Variants in SPATA16 observed in about 807,000 individuals in gnomAD.
SPATA16 encodes spermatogenesis-associated protein 16.
SPATA16 carries 36 observed loss-of-function variants against 63.3 expected under a neutral mutation model. That is an observed-to-expected ratio of 0.57 (90% CI 0.44 to 0.75). The LOEUF is 0.75. Ranked by LOEUF, SPATA16 falls within the 30% of genes least tolerant of loss-of-function variation. SPATA16 has a pLI of 0.00. For missense variants in SPATA16, 646 were observed against 679.3 expected (o/e 0.95, Z 0.54); for synonymous variants, 203 against 216.7 (o/e 0.94, Z 0.56).
At position 173,117,504 on chromosome 3, in the gene SPATA16, A is replaced by G. The variant is rs776454450; in HGVS notation, c.228T>C (p.Asp76=). 1 of 1,614,070 alleles carries G rather than the reference A, an allele frequency of 6.2e-7. No individual in the cohort carries two copies. Among genetic ancestry groups the G allele is most frequent in the Non-Finnish European group, 8.5e-7 (1 of 1,179,996 alleles). ...TCCGTTTAAAGGCTGCTTTCTCTAA[A>G]TCATTGCTTTGTTTTTCTTTGATGC... is the stretch of plus-strand genomic sequence containing the variant. The part of the protein sequence containing the change: ...TKGIKEKQSN[D]LEKAAFKRKA... Residue 76 remains aspartate, a synonymous_variant, in exon 2 of 11, where the codon GAT becomes GAC. Coordinates refer to ENST00000351008, the MANE Select transcript of SPATA16 (RefSeq NM_031955.6).
chr3:173,024,733 A>G (rs1001439907), intron 3 of SPATA16, among the ~76,000 whole-genome samples: 5 of 150,810 alleles, frequency 3.3e-5, no homozygotes, highest in African/African-American at 9.7e-5. Flanking sequence ...TCAAACTGAT[A>G]TTAGGTTTAG....
chr3:172,986,381 G>A (rs9868865), intron 4 of SPATA16, among the ~76,000 whole-genome samples: 15 of 152,084 alleles, frequency 9.9e-5, no homozygotes, highest in African/African-American at 2.9e-4. Flanking sequence ...ATACTAAGAC[G>A]AGTCAGCCAT....
intron 5 of SPATA16, among the ~76,000 whole-genome samples, chr3:172,965,619 T>C (rs972258041): frequency 1.3e-5 from 2 of 151,992 alleles, no homozygotes; most frequent in African/African-American, 4.8e-5. Context: ...AGACACCTTA[T>C]ATTTTTCTTT....
chr3:172,960,257 A>G (rs993383188), intron 5 of SPATA16, among the ~76,000 whole-genome samples: 1 of 152,208 alleles, frequency 6.6e-6, no homozygotes, highest in Non-Finnish European at 1.5e-5. Flanking sequence ...CTGTAATTGA[A>G]TCATTCTTTC....
At chr3:173,116,276 CT>C (rs1236403336) in intron 2 of SPATA16, among the ~76,000 whole-genome samples, 2 of 152,234 alleles carry the variant, frequency 1.3e-5, no homozygotes, top group East Asian at 3.9e-4. Context: ...TCATTCATTT[CT>C]TTTTAAATAG....
Position 173,006,376 on chromosome 3 carries a change from GA to G in SPATA16, c.848+13109del, listed in dbSNP as rs140655268. Reference sequence around the variant, plus strand: ...CCCTTCAGGCAGATGGCCAGTTTAAGAATAAAAATTAGCCAGCCTGTAGGCT... The same window carrying G: ...CCCTTCAGGCAGATGGCCAGTTTAAGATAAAAATTAGCCAGCCTGTAGGCT... On this transcript the variant is annotated intron_variant, in intron 4 of 10. Coordinates refer to ENST00000351008, the MANE Select transcript of SPATA16 (RefSeq NM_031955.6). Among the ~76,000 whole-genome samples the G allele has an allele frequency of 3.6e-3, 542 of 152,320 alleles. 6 individuals are homozygous for G. The highest frequency in any genetic ancestry group is 0.019 in the Admixed American group (295 of 15,310).
intron 2 of SPATA16, among the ~76,000 whole-genome samples, chr3:173,090,770 T>C (rs940965909): frequency 1.3e-5 from 2 of 152,218 alleles, no homozygotes; most frequent in Admixed American, 6.5e-5. Context: ...ACATTTAACA[T>C]AGGACCAATG....
chr3:172,967,002 A>G (rs1311003946), intron 5 of SPATA16, among the ~76,000 whole-genome samples: 1 of 152,238 alleles, frequency 6.6e-6, no homozygotes, highest in Non-Finnish European at 1.5e-5. Context: ...TGATTTTCAG[A>G]TGCAAACAAA....
At chr3:173,069,602 T>G (rs1476345344) in intron 2 of SPATA16, among the ~76,000 whole-genome samples, 1 of 152,060 alleles carries the variant, frequency 6.6e-6, no homozygotes, top group Non-Finnish European at 1.5e-5. Flanking sequence ...TCTAAACAAT[T>G]GAGGAGGAGG....
intron 2 of SPATA16, among the ~76,000 whole-genome samples, chr3:173,054,057 A>C (rs1013629653): frequency 2.0e-5 from 3 of 151,894 alleles, no homozygotes; most frequent in African/African-American, 4.8e-5. Flanking sequence ...TGCTTTTTTA[A>C]AATTGGAAAA....
intron 1 of SPATA16, among the ~76,000 whole-genome samples, chr3:173,122,562 CATT>C (rs1738106420): frequency 6.6e-6 from 1 of 151,652 alleles, no homozygotes. Flanking sequence ...ACCAGTGAGA[CATT>C]ATGAGAAAAA....
intron 3 of SPATA16, among the ~76,000 whole-genome samples, chr3:173,026,405 A>G (rs1735455007): frequency 6.6e-6 from 1 of 151,818 alleles, no homozygotes. Context: ...AATATTCTCA[A>G]TAGTTTCTTT....
chr3:173,124,853 G>GC (rs1383426981), intron 1 of SPATA16, among the ~76,000 whole-genome samples: 1 of 151,782 alleles, frequency 6.6e-6, no homozygotes, highest in Non-Finnish European at 1.5e-5. Flanking sequence ...CCCACATGGA[G>GC]CCCCTTCTTT....
In SPATA16 at chr3:173,048,984, C is replaced by T. The variant is rs780967193; in HGVS notation, c.723G>A (p.Met241Ile). Residue 241 changes from methionine (M) to isoleucine (I), a missense_variant, in exon 3 of 11, where the codon ATG (methionine) becomes ATA (isoleucine). Physicochemically the swap from Met to Ile is conservative, Grantham distance 10. Transcript: ENST00000351008. ...GATTCAGGGCAAGATCTGGTTTCCT[C>T]ATCCGTAGATAACAGGTAACAAGCT... is the stretch of plus-strand genomic sequence containing the variant. ...ETKLVTCYLRMRKPDLALNHA... is the reference protein window; with the variant it reads ...ETKLVTCYLRIRKPDLALNHA... 3.7e-6 allele frequency: 6 copies of T among 1,613,740 alleles called. No homozygotes were observed. In the Admixed American group the frequency reaches 6.7e-5, roughly 18 times the overall value.
intron 3 of SPATA16, 104 bp downstream of exon 3, chr3:173,048,845 C>T: frequency 1.4e-6 from 2 of 1,444,606 alleles, no homozygotes; most frequent in Non-Finnish European, 1.9e-6. Flanking sequence ...ATGTTTGTTT[C>T]TTCTTTAAAT....
At chr3:173,089,390 G>T (rs377538285) in intron 2 of SPATA16, among the ~76,000 whole-genome samples, 2 of 152,186 alleles carry the variant, frequency 1.3e-5, no homozygotes, top group African/African-American at 4.8e-5. Context: ...CTTATCTGAG[G>T]ATGGCTGAGG....
intron 3 of SPATA16, among the ~76,000 whole-genome samples, chr3:173,031,210 A>G (rs1379589118): frequency 6.6e-6 from 1 of 151,334 alleles, no homozygotes; most frequent in Non-Finnish European, 1.5e-5. Context: ...ACTGGGTAAG[A>G]TCGTACATTT....
intron 1 of SPATA16, among the ~76,000 whole-genome samples, chr3:173,128,311 T>A (rs1053663248): frequency 3.9e-5 from 6 of 152,186 alleles, no homozygotes; most frequent in African/African-American, 1.2e-4. Flanking sequence ...ACTTTATATA[T>A]CCCTTTTTTT....
Position 173,070,815 on chromosome 3 carries a change from C to T in SPATA16, c.613-21721G>A, listed in dbSNP as rs543941997. On this transcript the variant is annotated intron_variant, in intron 2 of 10. Coordinates refer to ENST00000351008, the MANE Select transcript of SPATA16 (RefSeq NM_031955.6). ...CATTGATGAAAGAAATTGAAGAGGACACAAAACACCGGAAAGATGTTCCAT... is the reference window on the plus strand; with the variant it reads ...CATTGATGAAAGAAATTGAAGAGGATACAAAACACCGGAAAGATGTTCCAT... Among the ~76,000 whole-genome samples, 4 of 152,244 alleles carry T rather than the reference C, an allele frequency of 2.6e-5. No individual in the cohort carries two copies. The East Asian group carries it at 7.7e-4, about 29-fold the overall frequency.
Sources: allele counts gnomAD v4.1 joint callset (sites outside exome capture counted in the v4.1 genomes callset), GRCh38; gene constraint gnomAD v4.1.1; transcripts MANE v1.5; gene names NCBI Gene and HGNC (gene_info 2026-07-23, HGNC 2026-07-21).